AGBL1: variants seen among roughly 807,000 people sequenced by gnomAD.
The protein encoded by AGBL1 is AGBL carboxypeptidase 1, also known as cytosolic carboxypeptidase 4.
In AGBL1, 130 loss-of-function variants were observed where a neutral mutation model predicts 118.9. That is an observed-to-expected ratio of 1.09 (90% CI 0.95 to 1.26). AGBL1 has a LOEUF of 1.26. Ranked by LOEUF, AGBL1 falls within the 50% of genes most tolerant of loss-of-function variation. The pLI is 0.00. For missense variants in AGBL1, 1,584 were observed against 1,298.1 expected, an observed-to-expected ratio of 1.22 and a Z score of -3.38; for synonymous variants, 555 against 478.9, an observed-to-expected ratio of 1.16 and a Z score of -2.08.
intron 21 of AGBL1, among the ~76,000 whole-genome samples, chr15:86,638,050 C>A (rs1216144929): frequency 6.6e-6 from 1 of 152,052 alleles, no homozygotes; most frequent in Admixed American, 6.6e-5. Context: ...GAAAAAAAAT[C>A]CTTTATACTT....
At chr15:86,150,233 C>A (rs1190214029) in intron 3 of AGBL1, among the ~76,000 whole-genome samples, 2 of 152,126 alleles carry the variant, frequency 1.3e-5, no homozygotes, top group Non-Finnish European at 2.9e-5. Context: ...GAAACAAGAA[C>A]AAACAAATGC....
At chr15:86,081,872 T>G (rs1895308619) in intron 1 of AGBL1, among the ~76,000 whole-genome samples, 1 of 152,228 alleles carries the variant, frequency 6.6e-6, no homozygotes. Flanking sequence ...CAGGTTGAAC[T>G]CAATTGCCTG....
intron 17 of AGBL1, among the ~76,000 whole-genome samples, chr15:86,319,530 A>G (rs947271278): frequency 2.0e-5 from 3 of 151,866 alleles, no homozygotes; most frequent in Non-Finnish European, 4.4e-5. Context: ...CACATTATAT[A>G]TGGAATCCTT....
At chr15:86,381,962 T>C (rs111750098) in intron 17 of AGBL1, among the ~76,000 whole-genome samples, 6 of 152,196 alleles carry the variant, frequency 3.9e-5, no homozygotes, top group African/African-American at 1.4e-4. Context: ...GAAATAGGAA[T>C]GGAGAGGACG....
intron 18 of AGBL1, among the ~76,000 whole-genome samples, chr15:86,499,702 T>C (rs2082896747): frequency 6.6e-6 from 1 of 151,864 alleles, no homozygotes; most frequent in South Asian, 2.1e-4. Context: ...ATTCAGCTAG[T>C]AGGAGGTATA....
Position 86,615,323 on chromosome 15 carries a change from G to T in AGBL1, c.2995-58950G>T, listed in dbSNP as rs2084706266. On this transcript the variant is annotated intron_variant, in intron 21 of 22. Coordinates refer to ENST00000614907, the MANE Select transcript of AGBL1 (RefSeq NM_001386094.1). The surrounding 1 kb of genome is among the most constrained non-coding windows in gnomAD (Gnocchi z 4.3). ...TGATGAGGGACTGTGGTAAAGACTAGAGTGGAGGAATGGGATATGGGAACA... is the reference window on the plus strand; with the variant it reads ...TGATGAGGGACTGTGGTAAAGACTATAGTGGAGGAATGGGATATGGGAACA... 6.6e-6 allele frequency among the ~76,000 whole-genome samples: 1 copy of T among 152,176 alleles called. No individual in the cohort carries two copies. The highest frequency in any genetic ancestry group is 2.1e-4 in the South Asian group (1 of 4,826).
intron 23 of AGBL1, among the ~76,000 whole-genome samples, chr15:86,928,692 T>G (rs1289166284): frequency 6.6e-6 from 1 of 152,180 alleles, no homozygotes; most frequent in Non-Finnish European, 1.5e-5. Flanking sequence ...ATTTTGAATG[T>G]GCCCCTCTGC....
chr15:86,737,902 TATCAA>T (rs150988673), intron 22 of AGBL1, among the ~76,000 whole-genome samples: 16,273 of 152,094 alleles, frequency 0.11, 897 homozygotes, highest in East Asian at 0.17. Context: ...AACAAAATGC[TATCAA>T]ATCAAATCAA....
At chr15:86,705,492 T>C (rs1467067766) in intron 22 of AGBL1, among the ~76,000 whole-genome samples, 1 of 152,166 alleles carries the variant, frequency 6.6e-6, no homozygotes, top group Non-Finnish European at 1.5e-5. Flanking sequence ...TAAAGTGTTC[T>C]TGCATGGCAA....
chr15:86,591,892 A>G (rs2084342120), intron 21 of AGBL1, among the ~76,000 whole-genome samples: 1 of 152,188 alleles, frequency 6.6e-6, no homozygotes. Context: ...GCCATCCTGA[A>G]GCTACCTAGG....
intron 21 of AGBL1, among the ~76,000 whole-genome samples, chr15:86,661,068 A>G (rs2085529795): frequency 6.6e-6 from 1 of 152,178 alleles, no homozygotes; most frequent in Non-Finnish European, 1.5e-5. Flanking sequence ...CCTTTAAAAC[A>G]CTGTGCAGGG....
intron 17 of AGBL1, among the ~76,000 whole-genome samples, chr15:86,364,631 A>T (rs558143247): frequency 8.6e-5 from 13 of 152,018 alleles, no homozygotes; most frequent in Non-Finnish European, 1.8e-4. Context: ...GAAATCCTAC[A>T]TTATTTACTT....
At chr15:86,930,130 A>G (rs7179437) in intron 23 of AGBL1, among the ~76,000 whole-genome samples, 1 of 151,926 alleles carries the variant, frequency 6.6e-6, no homozygotes, top group African/African-American at 2.4e-5. Context: ...ATTATCGTCA[A>G]TGGCTCACTC....
intron 18 of AGBL1, among the ~76,000 whole-genome samples, chr15:86,458,864 G>T (rs1318482594): frequency 6.6e-6 from 1 of 152,174 alleles, no homozygotes; most frequent in Non-Finnish European, 1.5e-5. Context: ...AACGGAAATT[G>T]CAGCTGATTT....
chr15:86,379,015 C>T (rs2141956786), intron 17 of AGBL1, among the ~76,000 whole-genome samples: 1 of 151,868 alleles, frequency 6.6e-6, no homozygotes, highest in Non-Finnish European at 1.5e-5. Context: ...TTAGGTAAAG[C>T]AATTCTCCTG....
intron 22 of AGBL1, among the ~76,000 whole-genome samples, chr15:86,725,753 T>C (rs930596608): frequency 6.6e-6 from 1 of 152,210 alleles, no homozygotes; most frequent in Non-Finnish European, 1.5e-5. Context: ...CTGATGCCAC[T>C]GGTAGGTATG....
rs567593632 is a variant in AGBL1 at position 86,770,828 on chromosome 15, A to G, written c.3158+96392A>G. Among the ~76,000 whole-genome samples, 14 of 152,054 alleles carry G rather than the reference A, an allele frequency of 9.2e-5. No homozygotes were observed. The South Asian group carries it at 2.7e-3, about 29-fold the overall frequency. On this transcript the variant is annotated intron_variant, in intron 22 of 22. Coordinates refer to ENST00000614907, the MANE Select transcript of AGBL1 (RefSeq NM_001386094.1). Reference sequence around the variant, plus strand: ...GAAGCAACTAGGATTACACAGAATAATAACAACCTACCTTGTTCAGACATC... The same window carrying G: ...GAAGCAACTAGGATTACACAGAATAGTAACAACCTACCTTGTTCAGACATC...
rs1359648198 is a variant in AGBL1 at position 86,912,337 on chromosome 15, A to G, written c.*5043A>G. On this transcript the variant is annotated 3_prime_UTR_variant, in exon 23 of 23. Coordinates refer to ENST00000614907, the MANE Select transcript of AGBL1 (RefSeq NM_001386094.1). The stretch of plus-strand genomic sequence containing the variant: ...GTGATAATGGAGGGGTGGCATCTCC[A>G]AGGGTTCCCAGGAGCTGCCACATTT... 1 of 152,072 alleles carries G rather than the reference A, an allele frequency of 6.6e-6. No individual in the cohort carries two copies. The highest frequency in any genetic ancestry group is 2.4e-5 in the African/African-American group (1 of 41,408). 9.4% of individuals were successfully genotyped at this position (152,072 alleles called of 1,614,324 possible). A position where few individuals can be genotyped will look rare whatever the true frequency, so the allele number is the denominator to read the frequency against.
Position 86,247,860 on chromosome 15 carries a change from T to G in AGBL1, c.716T>G (p.Ile239Ser). 1 of 1,613,864 alleles carries G rather than the reference T, an allele frequency of 6.2e-7. No individual in the cohort carries two copies. The highest frequency in any genetic ancestry group is 1.1e-5 in the South Asian group (1 of 91,078). ...TTCCTGGCAGCACAGGGCATGGAGATCCTCTTCAGCACCACACAGGCAGGC... is the reference window on the plus strand; with the variant it reads ...TTCCTGGCAGCACAGGGCATGGAGAGCCTCTTCAGCACCACACAGGCAGGC... ...EAFLAAQGME[I>S]LFSTTQNCLD... Residue 239 changes from isoleucine (I) to serine (S), a missense_variant, in exon 7 of 23, where the codon ATC becomes AGC. Physicochemically the swap from Ile to Ser is moderately radical, Grantham distance 142. Coordinates refer to ENST00000614907, the MANE Select transcript of AGBL1 (RefSeq NM_001386094.1).
Sources: allele counts gnomAD v4.1 joint callset (sites outside exome capture counted in the v4.1 genomes callset), GRCh38; gene constraint gnomAD v4.1.1; non-coding constraint Gnocchi (gnomAD v3.1); transcripts MANE v1.5; gene names NCBI Gene and HGNC (gene_info 2026-07-23, HGNC 2026-07-21).